The following COL9A1 variants were observed in gnomAD, a reference collection of about 807,000 sequenced individuals.
COL9A1 encodes collagen type IX alpha 1 chain.
Under a neutral mutation model 142.6 loss-of-function variants are expected in COL9A1, and 104 were observed. That is an observed-to-expected ratio of 0.73 (90% CI 0.62 to 0.86). COL9A1 has a LOEUF of 0.86. COL9A1 is among the 40% of genes least tolerant of loss of function. The pLI is 0.00. For missense variants in COL9A1, 1,210 were observed against 1,176.6 expected (o/e 1.03, Z -0.42); for synonymous variants, 466 against 396.0 (o/e 1.18, Z -2.10).
intron 37 of COL9A1, among the ~76,000 whole-genome samples, chr6:70,223,327 G>A (rs1769005421): frequency 6.6e-6 from 1 of 152,140 alleles, no homozygotes; most frequent in Non-Finnish European, 1.5e-5. Context: ...CAATTTACAT[G>A]GATTGAGTTT....
chr6:70,270,934 T>C (rs1206917922), intron 14 of COL9A1, among the ~76,000 whole-genome samples: 1 of 152,218 alleles, frequency 6.6e-6, no homozygotes, highest in Non-Finnish European at 1.5e-5. Context: ...TTCCAATTAC[T>C]CTTAACATCC....
chr6:70,238,068 T>C (rs1770024580), intron 33 of COL9A1, among the ~76,000 whole-genome samples: 1 of 152,234 alleles, frequency 6.6e-6, no homozygotes, highest in Non-Finnish European at 1.5e-5. Flanking sequence ...AAGGCTTTGT[T>C]TACCTCGCTA....
intron 19 of COL9A1, 80 bp from the exon 20 acceptor site, chr6:70,260,790 G>T: frequency 7.5e-7 from 1 of 1,335,092 alleles, no homozygotes; most frequent in South Asian, 1.2e-5. Context: ...AGCTGATCTA[G>T]ACAATGGATA....
In COL9A1 at chr6:70,232,593, C is replaced by T. The variant is rs1562291080; in HGVS notation, c.2493G>A (p.Arg831=). ...GGCAAGATGACTTACCTTTAGGTCC[C>T]CTCAAACCAAGAGCACCAGGGGGCC... ...IKGPPGALGL[R]GPKGDLGEKG... is the part of the protein sequence containing the mutation. Residue 831 remains arginine (R), a synonymous_variant, in exon 36 of 38, where the codon AGG becomes AGA. Coordinates refer to ENST00000357250, the MANE Select transcript of COL9A1 (RefSeq NM_001851.6). The T allele has an allele frequency of 5.6e-6, 9 of 1,613,888 alleles. No individual in the cohort carries two copies. The highest frequency in any genetic ancestry group is 5.9e-6 in the Non-Finnish European group (7 of 1,180,014).
chr6:70,260,627 G>A (rs770679490), intron 20 of COL9A1, 30 bp downstream of exon 20: 3 of 1,593,174 alleles, frequency 1.9e-6, no homozygotes, highest in South Asian at 1.1e-5. Context: ...AACACATTTT[G>A]GTATTATATT....
At position 70,286,885 on chromosome 6, in the gene COL9A1, C is replaced by T. The variant is rs1583337269; in HGVS notation, c.697-3065G>A. Among the ~76,000 whole-genome samples, 5 of 152,298 alleles carry T rather than the reference C, an allele frequency of 3.3e-5. No homozygotes were observed. The South Asian group carries it at 1.0e-3, about 32-fold the overall frequency. On this transcript the variant is annotated intron_variant, in intron 5 of 37. Transcript: ENST00000357250. ...AAGCAGTAAACTTGGAGTTAGTAGA[C>T]CGGAGACATGCTCATTTATTTATTC...
In COL9A1 at chr6:70,272,069, G is replaced by C. The variant is rs374255811; in HGVS notation, c.1085C>G (p.Pro362Arg). The change falls in exon 13 of 38, where the codon CCC becomes CGC. Residue 362 changes from proline to arginine, a missense_variant. Physicochemically the swap from Pro to Arg is moderately radical, Grantham distance 103 (BLOSUM62 -2). Transcript: ENST00000357250. The stretch of plus-strand genomic sequence containing the variant: ...AAATGATGAAGTGATACTTACAGGG[G>C]GTCCAGGAATACCACGGCCCTAAAA... ...RGFPGRGIPG[P>R]PGPPGTAGLP... 7 of 1,611,754 alleles carry C rather than the reference G, an allele frequency of 4.3e-6. No individual in the cohort carries two copies. The African/African-American group carries it at 9.4e-5, about 22-fold the overall frequency.
At position 70,242,362 on chromosome 6, in the gene COL9A1, A is replaced by G. The variant is rs75350484; in HGVS notation, c.1926+300T>C. 0.048 allele frequency among the ~76,000 whole-genome samples: 7,269 copies of G among 152,216 alleles called. 244 individuals are homozygous for G. Among genetic ancestry groups the G allele is most frequent in the Non-Finnish European group, 0.074 (5,065 of 67,990 alleles). On this transcript the variant is annotated intron_variant, in intron 29 of 37. Transcript: ENST00000357250. ...CTAGCTATGTAAACAAGCACTGCACAGGAAGTAAAAGGCACCATTCACTCT... is the reference window on the plus strand; with the variant it reads ...CTAGCTATGTAAACAAGCACTGCACGGGAAGTAAAAGGCACCATTCACTCT...
At chr6:70,293,414 C>G (rs912723961) in intron 5 of COL9A1, among the ~76,000 whole-genome samples, 1 of 152,076 alleles carries the variant, frequency 6.6e-6, no homozygotes, top group Non-Finnish European at 1.5e-5. Flanking sequence ...CATGTAATTC[C>G]TTACCTTTAT....
intron 33 of COL9A1, among the ~76,000 whole-genome samples, chr6:70,235,552 A>C (rs1383633898): frequency 6.6e-6 from 1 of 152,130 alleles, no homozygotes; most frequent in Non-Finnish European, 1.5e-5. Context: ...TACATTCTTC[A>C]TACTTTAAGC....
intron 17 of COL9A1, among the ~76,000 whole-genome samples, chr6:70,268,152 T>C (rs1455337104): frequency 6.6e-6 from 1 of 152,182 alleles, no homozygotes; most frequent in Non-Finnish European, 1.5e-5. Flanking sequence ...CTGAAAGTTT[T>C]CAAATACATT....
Position 70,234,878 on chromosome 6 carries a change from C to T in COL9A1, c.2175G>A (p.Val725=), listed in dbSNP as rs1370423943. The T allele has an allele frequency of 7.4e-6, 12 of 1,614,170 alleles. No individual in the cohort carries two copies. Among genetic ancestry groups the T allele is most frequent in the Non-Finnish European group, 1.0e-5 (12 of 1,180,024 alleles). The change falls in exon 34 of 38, where the codon GTG becomes GTA. Residue 725 remains valine, a synonymous_variant. Coordinates refer to ENST00000357250, the MANE Select transcript of COL9A1 (RefSeq NM_001851.6). ...GTCCAGGTGGTCCTCTTGGTCCTTC[C>T]ACTCCAGGAAGCCCCCGACTTCCCT... ...GPEGSRGLPG[V]EGPRGPPGPR...
At chr6:70,289,379 G>C (rs1276659787) in intron 5 of COL9A1, among the ~76,000 whole-genome samples, 4 of 152,092 alleles carry the variant, frequency 2.6e-5, no homozygotes. Flanking sequence ...AAGAAAGTTT[G>C]ATCATTATTC....
intron 19 of COL9A1, 190 bp from the exon 20 acceptor site, chr6:70,260,900 C>A: frequency 3.8e-6 from 2 of 532,334 alleles, no homozygotes; most frequent in Non-Finnish European, 3.2e-6. Flanking sequence ...TGATGGTAAA[C>A]CTTTTTATAA....
At chr6:70,231,734 C>G (rs185413635) in intron 36 of COL9A1, among the ~76,000 whole-genome samples, 65 of 151,988 alleles carry the variant, frequency 4.3e-4, no homozygotes, top group African/African-American at 1.5e-3. Flanking sequence ...AAAAAACAAC[C>G]CTCTCTTGTT....
At chr6:70,259,223 T>C (rs1414783040) in intron 20 of COL9A1, among the ~76,000 whole-genome samples, 2 of 152,208 alleles carry the variant, frequency 1.3e-5, no homozygotes, top group Non-Finnish European at 2.9e-5. Flanking sequence ...AAAGAAAAAT[T>C]TAATTTCATT....
intron 19 of COL9A1, among the ~76,000 whole-genome samples, chr6:70,262,168 A>G (rs1401137580): frequency 6.6e-6 from 1 of 151,974 alleles, no homozygotes; most frequent in African/African-American, 2.4e-5. Context: ...ATCAGATCAA[A>G]AAAAAAAAGC....
intron 17 of COL9A1, among the ~76,000 whole-genome samples, chr6:70,267,647 AG>A (rs1356818579): frequency 6.6e-6 from 1 of 152,148 alleles, no homozygotes; most frequent in Non-Finnish European, 1.5e-5. Context: ...TTAAGTGCAA[AG>A]GGAAAGCAAT....
At chr6:70,293,335 A>T (rs963008531) in intron 5 of COL9A1, among the ~76,000 whole-genome samples, 1 of 152,166 alleles carries the variant, frequency 6.6e-6, no homozygotes, top group African/African-American at 2.4e-5. Context: ...CTTTTAAAGC[A>T]TTGCTCAAAG....
Sources: allele counts gnomAD v4.1 joint callset (sites outside exome capture counted in the v4.1 genomes callset), GRCh38; gene constraint gnomAD v4.1.1; transcripts MANE v1.5; gene names NCBI Gene and HGNC (gene_info 2026-07-23, HGNC 2026-07-21).